NRXN3: variants seen among roughly 807,000 people sequenced by gnomAD.
NRXN3 encodes neurexin III.
A neutral mutation model predicts 137.6 loss-of-function variants in NRXN3; 32 were observed. The ratio of observed to expected loss-of-function variants is 0.23; its 90% CI spans 0.18 to 0.31. The LOEUF (loss-of-function observed/expected upper bound fraction) is 0.31, where lower values mean the gene tolerates loss of function less well. NRXN3 is among the 10% of genes least tolerant of loss of function. The probability of loss-of-function intolerance (pLI) is 1.00; values close to 1 mark genes in which losing one functional copy is unlikely to be tolerated. For missense variants in NRXN3, 1,574 were observed against 2,062.5 expected (o/e 0.76, Z 4.59); for synonymous variants, 798 against 784.5 (o/e 1.02, Z -0.29).
chr14:79,740,470 C>T (rs1374284448), intron 19 of NRXN3, among the ~76,000 whole-genome samples: 6 of 151,622 alleles, frequency 4.0e-5, no homozygotes, highest in Non-Finnish European at 8.8e-5. Context: ...TCTTTTCAAC[C>T]GTCTCTCTGG....
intron 15 of NRXN3, among the ~76,000 whole-genome samples, chr14:79,239,275 G>A (rs1052411086): frequency 1.3e-5 from 2 of 152,068 alleles, no homozygotes; most frequent in African/African-American, 4.8e-5. Context: ...TTGGACCATG[G>A]TTGAACAAGG....
chr14:78,220,062 G>C (rs1034204548), intron 1 of NRXN3, among the ~76,000 whole-genome samples: 5 of 152,028 alleles, frequency 3.3e-5, no homozygotes, highest in Non-Finnish European at 5.9e-5. Flanking sequence ...GATGAAGAGC[G>C]TGGGATAATG....
At chr14:78,534,872 CAATT>C (rs1156911087) in intron 4 of NRXN3, among the ~76,000 whole-genome samples, 1 of 152,116 alleles carries the variant, frequency 6.6e-6, no homozygotes, top group Non-Finnish European at 1.5e-5. Context: ...TTGCAATAGG[CAATT>C]ATATGTACTT....
At chr14:79,280,354 C>A (rs1189541586) in intron 15 of NRXN3, 1 of 1,614,168 alleles carries the variant, frequency 6.2e-7, no homozygotes. Flanking sequence ...CGCTTGGGAT[C>A]TGGTTCCTGT....
intron 8 of NRXN3, among the ~76,000 whole-genome samples, chr14:78,785,649 G>A (rs771100548): frequency 1.1e-4 from 17 of 152,220 alleles, no homozygotes; most frequent in Admixed American, 2.6e-4. Flanking sequence ...TGTGTTCTTC[G>A]TTGTTGCTGC....
intron 15 of NRXN3, among the ~76,000 whole-genome samples, chr14:79,393,614 A>C (rs35441767): frequency 0.35 from 53,318 of 152,010 alleles, 9,619 homozygotes; most frequent in Admixed American, 0.4. Flanking sequence ...GAAGATCGAG[A>C]CCATCCTGGC....
chr14:78,971,180 T>C (rs2099438256), intron 14 of NRXN3, among the ~76,000 whole-genome samples: 2 of 152,034 alleles, frequency 1.3e-5, no homozygotes, highest in Non-Finnish European at 2.9e-5. Flanking sequence ...CACAAAACAC[T>C]GGAGACACTG....
intron 10 of NRXN3, among the ~76,000 whole-genome samples, chr14:78,888,128 T>C (rs1250410345): frequency 6.6e-6 from 1 of 152,098 alleles, no homozygotes; most frequent in Non-Finnish European, 1.5e-5. Flanking sequence ...TTGTGCCTAA[T>C]TTCCAGCTGC....
At chr14:79,545,464 A>G (rs546749993) in intron 16 of NRXN3, among the ~76,000 whole-genome samples, 2 of 151,898 alleles carry the variant, frequency 1.3e-5, no homozygotes, top group South Asian at 4.2e-4. Flanking sequence ...CTCCCCTTCC[A>G]CCTTTAAGTA....
chr14:79,474,760 C>T (rs961134707), intron 16 of NRXN3, among the ~76,000 whole-genome samples: 4 of 151,770 alleles, frequency 2.6e-5, no homozygotes, highest in Admixed American at 1.3e-4. Flanking sequence ...TTAATTTTAT[C>T]GACCATGGGA....
At chr14:78,815,181 G>A (rs182620075) in intron 10 of NRXN3, among the ~76,000 whole-genome samples, 49 of 152,254 alleles carry the variant, frequency 3.2e-4, no homozygotes, top group Admixed American at 1.2e-3. Flanking sequence ...CTGTGACAAG[G>A]TTTATTTTTT....
At chr14:79,860,568 A>T (rs1156924199) in intron 20 of NRXN3, among the ~76,000 whole-genome samples, 1 of 152,254 alleles carries the variant, frequency 6.6e-6, no homozygotes, top group African/African-American at 2.4e-5. Context: ...GGTCTCAATA[A>T]GATGGTGAAT....
chr14:79,420,509 G>T (rs151029115), intron 15 of NRXN3, among the ~76,000 whole-genome samples: 1 of 152,130 alleles, frequency 6.6e-6, no homozygotes, highest in African/African-American at 2.4e-5. Context: ...GCCCCAAAAA[G>T]TAGCTCAAAT....
At chr14:79,410,644 T>C (rs1009695996) in intron 15 of NRXN3, among the ~76,000 whole-genome samples, 4 of 152,136 alleles carry the variant, frequency 2.6e-5, no homozygotes, top group Non-Finnish European at 5.9e-5. Flanking sequence ...GCCTTACTTT[T>C]GCCATTTGTG....
chr14:78,633,957 C>G (rs182395549), intron 4 of NRXN3, among the ~76,000 whole-genome samples: 9 of 152,228 alleles, frequency 5.9e-5, no homozygotes, highest in African/African-American at 2.2e-4. Flanking sequence ...GCTGCCCTCC[C>G]TCCCCCTGCA....
intron 16 of NRXN3, among the ~76,000 whole-genome samples, chr14:79,603,896 C>T (rs186835444): frequency 1.3e-5 from 2 of 151,856 alleles, no homozygotes; most frequent in African/African-American, 4.8e-5. Flanking sequence ...GAACAATCTT[C>T]TTATTATTTG....
intron 19 of NRXN3, among the ~76,000 whole-genome samples, chr14:79,733,070 C>T (rs958475197): frequency 2.8e-5 from 3 of 106,412 alleles, no homozygotes; most frequent in African/African-American, 1.3e-4. Flanking sequence ...GACAAAACTG[C>T]AAAATATGCA....
chr14:78,774,565 C>T (rs947162069), intron 8 of NRXN3, among the ~76,000 whole-genome samples: 4 of 152,084 alleles, frequency 2.6e-5, no homozygotes, highest in African/African-American at 9.7e-5. Context: ...TATTTGAAAC[C>T]ACTCATTGAG....
intron 16 of NRXN3, among the ~76,000 whole-genome samples, chr14:79,586,194 A>G (rs1051299712): frequency 2.6e-5 from 4 of 152,248 alleles, no homozygotes; most frequent in Non-Finnish European, 5.9e-5. Context: ...GGTATTTTAT[A>G]TTATTTGTTT....
Sources: gnomAD v4.1 joint callset for allele counts (sites outside exome capture counted in the v4.1 genomes callset) on GRCh38, gnomAD v4.1.1 for gene constraint, MANE v1.5 for transcripts, NCBI Gene and HGNC (gene_info 2026-07-23, HGNC 2026-07-21) for gene names.